AFG2A: variants seen among roughly 807,000 people sequenced by gnomAD.
AFG2A encodes AAA ATPase AFG2A, also known as ATPase family gene 2 protein homolog A.
the AFG2A span, among the ~76,000 whole-genome samples, chr4:123,240,726 G>A: frequency 6.6e-6 from 1 of 152,114 alleles, no homozygotes; most frequent in Admixed American, 6.5e-5. Flanking sequence ...AAAAGAACTA[G>A]AGAAGAAAGA....
At chr4:123,297,134 A>T in the AFG2A span, among the ~76,000 whole-genome samples, 1 of 152,160 alleles carries the variant, frequency 6.6e-6, no homozygotes. Flanking sequence ...CCACAAAAAA[A>T]GTTGTTTTTG....
chr4:123,097,924 C>G, the AFG2A span, among the ~76,000 whole-genome samples: 1 of 152,116 alleles, frequency 6.6e-6, no homozygotes, highest in Non-Finnish European at 1.5e-5. Context: ...TAGGAAAATA[C>G]TTTAAAAGTG....
chr4:123,144,287 T>G, the AFG2A span, among the ~76,000 whole-genome samples: 1 of 152,146 alleles, frequency 6.6e-6, no homozygotes, highest in Non-Finnish European at 1.5e-5. Context: ...TTGCTTTTAA[T>G]ATTTTTTTCT....
the AFG2A span, among the ~76,000 whole-genome samples, chr4:123,060,997 A>C: frequency 6.6e-6 from 1 of 152,208 alleles, no homozygotes; most frequent in East Asian, 1.9e-4. Context: ...TTTGTATAGC[A>C]AGAGTAACAT....
the AFG2A span, among the ~76,000 whole-genome samples, chr4:123,118,351 T>TA: frequency 0.051 from 2,991 of 58,140 alleles, 181 homozygotes; most frequent in African/African-American, 0.093. Context: ...ATATTATATA[T>TA]ATTATATATA....
the AFG2A span, among the ~76,000 whole-genome samples, chr4:123,224,497 G>A: frequency 6.6e-6 from 1 of 152,110 alleles, no homozygotes; most frequent in Non-Finnish European, 1.5e-5. Flanking sequence ...TGCTGAGAAT[G>A]ATGGTTTCCA....
chr4:123,049,598 G>T, the AFG2A span, among the ~76,000 whole-genome samples: 1 of 151,650 alleles, frequency 6.6e-6, no homozygotes, highest in Non-Finnish European at 1.5e-5. Context: ...AATTCTTTTA[G>T]ATTTTCCCAT....
chr4:123,109,171 C>T, the AFG2A span, among the ~76,000 whole-genome samples: 1 of 152,074 alleles, frequency 6.6e-6, no homozygotes, highest in Non-Finnish European at 1.5e-5. Context: ...TATGTTTTAT[C>T]TTTGCTTGTT....
the AFG2A span, among the ~76,000 whole-genome samples, chr4:123,089,584 C>CT: frequency 6.6e-4 from 98 of 148,804 alleles, 1 homozygote; most frequent in African/African-American, 1.9e-3. Context: ...GAGTTTACTT[C>CT]TTTTTTTTTT....
At chr4:123,182,511 T>C in the AFG2A span, among the ~76,000 whole-genome samples, 1 of 152,318 alleles carries the variant, frequency 6.6e-6, no homozygotes, top group East Asian at 1.9e-4. Context: ...GCTGACTAAT[T>C]CTAGGACTTC....
At chr4:123,053,996 A>T in the AFG2A span, among the ~76,000 whole-genome samples, 2 of 152,138 alleles carry the variant, frequency 1.3e-5, no homozygotes, top group African/African-American at 4.8e-5. Flanking sequence ...TCAGCTAGGG[A>T]GGCCTGGAGC....
chr4:123,045,317 C>CA, the AFG2A span, among the ~76,000 whole-genome samples: 126,401 of 151,876 alleles, frequency 0.83, 53,770 homozygotes, highest in East Asian at 0.97. Context: ...CGTATTTCTA[C>CA]AAAATCAAAT....
the AFG2A span, among the ~76,000 whole-genome samples, chr4:122,991,031 A>G: frequency 6.6e-6 from 1 of 152,220 alleles, no homozygotes; most frequent in Non-Finnish European, 1.5e-5. Flanking sequence ...AATATTTATC[A>G]TTATGAAGTG....
At chr4:123,150,060 G>A in the AFG2A span, among the ~76,000 whole-genome samples, 7 of 151,926 alleles carry the variant, frequency 4.6e-5, no homozygotes, top group Non-Finnish European at 8.8e-5. Context: ...AAAGGCCTCC[G>A]ATAAAGCTCA....
chr4:123,074,442 TTTTTC>T, the AFG2A span, among the ~76,000 whole-genome samples: 10 of 14,604 alleles, frequency 6.8e-4, 1 homozygote, highest in South Asian at 1.4e-3. Flanking sequence ...TTCCATTCTT[TTTTTC>T]TTTTTTTTTT....
chr4:122,998,144 A>C, the AFG2A span, among the ~76,000 whole-genome samples: 9 of 152,220 alleles, frequency 5.9e-5, no homozygotes, highest in East Asian at 1.7e-3. Flanking sequence ...TTTAAAAAAA[A>C]TTTTTGATTA....
the AFG2A span, among the ~76,000 whole-genome samples, chr4:123,008,818 T>C: frequency 1.3e-5 from 2 of 152,352 alleles, no homozygotes; most frequent in South Asian, 2.1e-4. Context: ...AACTCCATCA[T>C]AGGCCTGAAA....
chr4:123,048,781 T>G, the AFG2A span, among the ~76,000 whole-genome samples: 2 of 152,208 alleles, frequency 1.3e-5, no homozygotes, highest in African/African-American at 2.4e-5. Context: ...TCTTTAGGTT[T>G]TTCTACATAT....
the AFG2A span, among the ~76,000 whole-genome samples, chr4:122,975,281 G>A: frequency 2.4e-4 from 36 of 152,214 alleles, no homozygotes; most frequent in Non-Finnish European, 5.3e-4. Flanking sequence ...AGAAGGGTAA[G>A]AAAAAGGGCA....
Sources: gnomAD v4.1 joint callset for allele counts (sites outside exome capture counted in the v4.1 genomes callset) on GRCh38, gnomAD v4.1.1 for gene constraint, MANE v1.5 for transcripts, NCBI Gene and HGNC (gene_info 2026-07-23, HGNC 2026-07-21) for gene names.